BOLA3: variants seen among roughly 807,000 people sequenced by gnomAD.
BOLA3 encodes bolA family member 3, also known as bolA-like protein 3.
In BOLA3, 8 loss-of-function variants were observed where a neutral mutation model predicts 14.5. The observed-to-expected ratio is 0.55, with a 90% CI of 0.32 to 0.99. The LOEUF (loss-of-function observed/expected upper bound fraction) is 0.99. BOLA3 is among the 50% of genes least tolerant of loss of function. The pLI is 0.04. For synonymous variants in BOLA3, 42 were observed against 45.7 expected, an observed-to-expected ratio of 0.92 and a Z score of 0.33; for missense variants, 115 against 138.2, an observed-to-expected ratio of 0.83 and a Z score of 0.84.
chr2:74,136,119 T>C (rs912662740), intron 3 of BOLA3, among the ~76,000 whole-genome samples: 1 of 152,120 alleles, frequency 6.6e-6, no homozygotes, highest in Non-Finnish European at 1.5e-5. Context: ...CTGGCTAATT[T>C]TTTTATTTTT....
chr2:74,145,429 C>G, intron 1 of BOLA3, 126 bp from the exon 2 acceptor site: 3 of 724,816 alleles, frequency 4.1e-6, no homozygotes, highest in Non-Finnish European at 7.6e-6. Context: ...CCAGCACAGC[C>G]ATGGGTTATG....
chr2:74,135,803 A>G (rs1051608130), intron 3 of BOLA3, 145 bp from the exon 4 acceptor site: 2 of 665,632 alleles, frequency 3.0e-6, no homozygotes, highest in Non-Finnish European at 5.3e-6. Flanking sequence ...TTGAAAAACA[A>G]TTTTTTTTAA....
At chr2:74,146,503 C>T (rs1295590067) in intron 1 of BOLA3, 1 of 152,204 alleles carries the variant, frequency 6.6e-6, no homozygotes, top group Non-Finnish European at 1.5e-5. Context: ...GCTCATGGGA[C>T]CAAAGTAACC....
chr2:74,145,154 T>C (rs370380077), intron 2 of BOLA3, 35 bp downstream of exon 2: 1 of 1,237,572 alleles, frequency 8.1e-7, no homozygotes, highest in African/African-American at 1.5e-5. Flanking sequence ...CAAAATCTTA[T>C]CCAAGCGCCG....
At chr2:74,143,132 G>A (rs1692477529) in intron 2 of BOLA3, among the ~76,000 whole-genome samples, 1 of 151,982 alleles carries the variant, frequency 6.6e-6, no homozygotes, top group Non-Finnish European at 1.5e-5. Context: ...TGTGAGAGGT[G>A]CAACGTACTC....
intron 3 of BOLA3, among the ~76,000 whole-genome samples, chr2:74,138,006 C>A (rs1558820403): frequency 6.6e-6 from 1 of 152,188 alleles, no homozygotes; most frequent in Non-Finnish European, 1.5e-5. Flanking sequence ...TGTGACTGAC[C>A]CTGGACAGAG....
chr2:74,139,085 G>A (rs920148497), intron 3 of BOLA3, among the ~76,000 whole-genome samples: 2 of 152,296 alleles, frequency 1.3e-5, no homozygotes, highest in East Asian at 3.9e-4. Context: ...CCCTGGGAGA[G>A]GCTGAGCCCC....
At chr2:74,137,866 G>A (rs959294792) in intron 3 of BOLA3, among the ~76,000 whole-genome samples, 2 of 152,210 alleles carry the variant, frequency 1.3e-5, no homozygotes, top group Admixed American at 6.5e-5. Flanking sequence ...ATCACTGGGC[G>A]AAGGTCCCTG....
chr2:74,145,137 C>A, intron 2 of BOLA3, 52 bp downstream of exon 2: 3 of 1,091,948 alleles, frequency 2.7e-6, no homozygotes, highest in Middle Eastern at 2.8e-4. Context: ...TCTGTCCTTC[C>A]AAAGGGCAAA....
chr2:74,140,864 G>C (rs552864003), intron 3 of BOLA3, among the ~76,000 whole-genome samples: 25 of 152,344 alleles, frequency 1.6e-4, no homozygotes, highest in Non-Finnish European at 2.9e-4. Context: ...CAAAGGGTGA[G>C]GTTGAAAAAC....
intron 1 of BOLA3, chr2:74,145,591 A>C: frequency 2.2e-6 from 1 of 460,716 alleles, no homozygotes; most frequent in Non-Finnish European, 4.0e-6. Flanking sequence ...TTGCTTCCAT[A>C]TAATGTTGTG....
At chr2:74,138,881 T>A (rs541699600) in intron 3 of BOLA3, among the ~76,000 whole-genome samples, 1 of 152,262 alleles carries the variant, frequency 6.6e-6, no homozygotes, top group South Asian at 2.1e-4. Context: ...CTCACCTCTG[T>A]CCACCTCAAA....
At chr2:74,138,219 A>G (rs190649056) in intron 3 of BOLA3, among the ~76,000 whole-genome samples, 1 of 152,376 alleles carries the variant, frequency 6.6e-6, no homozygotes, top group East Asian at 1.9e-4. Flanking sequence ...CCGAAGTCCC[A>G]TGGGTAATAA....
intron 2 of BOLA3, among the ~76,000 whole-genome samples, chr2:74,142,938 G>T (rs1477537073): frequency 6.6e-6 from 1 of 152,146 alleles, no homozygotes; most frequent in Non-Finnish European, 1.5e-5. Context: ...CCTGGCTTTT[G>T]GGGGGAGAAC....
In BOLA3 at chr2:74,147,809, G is replaced by T. The variant is rs995996267; in HGVS notation, c.54+12C>A. The T allele has an allele frequency of 6.5e-7, 1 of 1,529,180 alleles. No individual in the cohort carries two copies. Among genetic ancestry groups the T allele is most frequent in the South Asian group, 1.2e-5 (1 of 83,610 alleles). 94.7% of individuals were successfully genotyped at this position (1,529,180 alleles called of 1,614,324 possible). A position where few individuals can be genotyped will look rare whatever the true frequency, so the allele number is the denominator to read the frequency against. ...TCCCGGGGAGAGCAGCCCCGACCCT[G>T]CCCACGCTCACCCCGCGGATCCCGC... is the stretch of plus-strand genomic sequence containing the variant. On this transcript the variant is annotated intron_variant, in intron 1 of 3. Coordinates refer to ENST00000327428, the MANE Select transcript of BOLA3 (RefSeq NM_212552.3).
chr2:74,143,001 G>A (rs929265277), intron 2 of BOLA3, among the ~76,000 whole-genome samples: 1 of 152,178 alleles, frequency 6.6e-6, no homozygotes, highest in African/African-American at 2.4e-5. Flanking sequence ...CCCCCTGCCT[G>A]AGCTTTCCTC....
At chr2:74,145,062 C>T (rs1352697468) in intron 2 of BOLA3, 127 bp downstream of exon 2, 3 of 708,634 alleles carry the variant, frequency 4.2e-6, no homozygotes, top group African/African-American at 1.8e-5. Flanking sequence ...TCCACCTGTC[C>T]AGCAGCAACA....
At chr2:74,140,850 G>A (rs1692425604) in intron 3 of BOLA3, among the ~76,000 whole-genome samples, 2 of 152,234 alleles carry the variant, frequency 1.3e-5, no homozygotes, top group African/African-American at 4.8e-5. Context: ...TTAGGAAACT[G>A]AGGCAAAGGG....
intron 3 of BOLA3, among the ~76,000 whole-genome samples, chr2:74,141,230 T>A (rs1432800541): frequency 2.0e-5 from 3 of 152,168 alleles, no homozygotes; most frequent in Admixed American, 2.0e-4. Flanking sequence ...TCACATCCAC[T>A]GCAAAGGGCT....
Sources: allele counts gnomAD v4.1 joint callset (sites outside exome capture counted in the v4.1 genomes callset), GRCh38; gene constraint gnomAD v4.1.1; transcripts MANE v1.5; gene names NCBI Gene and HGNC (gene_info 2026-07-23, HGNC 2026-07-21).